CCSER1: variants seen among roughly 807,000 people sequenced by gnomAD.
CCSER1 encodes the protein coiled-coil serine rich protein 1.
CCSER1 carries 41 observed loss-of-function variants against 82.0 expected under a neutral mutation model. That is an observed-to-expected ratio of 0.50 (90% CI 0.39 to 0.65). The LOEUF is 0.65. Ranked by LOEUF, CCSER1 falls within the 30% of genes least tolerant of loss-of-function variation. The probability of loss-of-function intolerance (pLI) is 0.00; values close to 1 mark genes in which losing one functional copy is unlikely to be tolerated. For missense variants in CCSER1, 1,119 were observed against 1,064.2 expected (o/e 1.05, Z -0.72); for synonymous variants, 414 against 383.9 (o/e 1.08, Z -0.92).
chr4:91,226,083 C>A (rs570432089), intron 10 of CCSER1, among the ~76,000 whole-genome samples: 2 of 151,748 alleles, frequency 1.3e-5, no homozygotes, highest in African/African-American at 2.4e-5. Context: ...TATACAAGTG[C>A]GATGTTGGTG....
chr4:90,993,398 G>T (rs1451843340), intron 9 of CCSER1, among the ~76,000 whole-genome samples: 1 of 151,706 alleles, frequency 6.6e-6, no homozygotes, highest in Non-Finnish European at 1.5e-5. Flanking sequence ...AGCTATAATG[G>T]ATAACTAATG....
intron 9 of CCSER1, among the ~76,000 whole-genome samples, chr4:91,017,780 C>G (rs1739559205): frequency 6.6e-6 from 1 of 151,398 alleles, no homozygotes; most frequent in Non-Finnish European, 1.5e-5. Flanking sequence ...AAGGCCAGTA[C>G]TGTCTTCGTA....
At chr4:91,369,995 A>C (rs567038349) in intron 10 of CCSER1, among the ~76,000 whole-genome samples, 4 of 151,966 alleles carry the variant, frequency 2.6e-5, no homozygotes, top group African/African-American at 7.2e-5. Context: ...GTAGCTTTTG[A>C]ATTTTTGATT....
chr4:91,305,157 C>A (rs976826614), intron 10 of CCSER1, among the ~76,000 whole-genome samples: 1 of 151,928 alleles, frequency 6.6e-6, no homozygotes, highest in East Asian at 1.9e-4. Flanking sequence ...CAAATTACTT[C>A]TTTTCAAGTT....
At chr4:90,508,713 A>T (rs1041204726) in intron 5 of CCSER1, among the ~76,000 whole-genome samples, 4 of 152,120 alleles carry the variant, frequency 2.6e-5, no homozygotes, top group African/African-American at 4.8e-5. Flanking sequence ...TGTAATGGAG[A>T]CTGTTGAAGT....
chr4:90,512,498 A>G (rs1771674701), intron 5 of CCSER1, among the ~76,000 whole-genome samples: 1 of 152,168 alleles, frequency 6.6e-6, no homozygotes, highest in African/African-American at 2.4e-5. Flanking sequence ...ACAGACTGAC[A>G]GACATGCCTA....
chr4:90,730,595 G>A (rs1305965592), intron 7 of CCSER1, among the ~76,000 whole-genome samples: 1 of 152,142 alleles, frequency 6.6e-6, no homozygotes, highest in Non-Finnish European at 1.5e-5. Flanking sequence ...GTCAGGTAGG[G>A]TGATAAATGT....
intron 9 of CCSER1, among the ~76,000 whole-genome samples, chr4:91,009,171 T>A (rs1324777767): frequency 6.6e-6 from 1 of 152,076 alleles, no homozygotes; most frequent in Non-Finnish European, 1.5e-5. Flanking sequence ...AAAGCTCAGC[T>A]CCAGCCTTAA....
At chr4:90,698,928 G>T (rs1314449886) in intron 6 of CCSER1, among the ~76,000 whole-genome samples, 1 of 151,988 alleles carries the variant, frequency 6.6e-6, no homozygotes, top group Non-Finnish European at 1.5e-5. Flanking sequence ...AACATAGTGG[G>T]ACTCCATCTC....
At chr4:90,411,148 A>G (rs1434037327) in intron 4 of CCSER1, among the ~76,000 whole-genome samples, 1 of 152,196 alleles carries the variant, frequency 6.6e-6, no homozygotes, top group Non-Finnish European at 1.5e-5. Flanking sequence ...TACCAACCAA[A>G]AAAAGTCCAG....
At chr4:91,485,159 A>G (rs1758149380) in intron 10 of CCSER1, among the ~76,000 whole-genome samples, 1 of 149,508 alleles carries the variant, frequency 6.7e-6, no homozygotes, top group Non-Finnish European at 1.5e-5. Flanking sequence ...ATGAAACAGT[A>G]AAAAAAAAAT....
In CCSER1 at chr4:90,204,805, T is replaced by C. The variant is rs1449100943; in HGVS notation, c.-42+76974T>C. ...GAGCAGTATGGCCATTTTCATGATA[T>C]TGATTCTTCCTATCCATGAGCATGG... On this transcript the variant is annotated intron_variant, in intron 1 of 10. Coordinates refer to ENST00000509176, the MANE Select transcript of CCSER1 (RefSeq NM_001145065.2). Among the ~76,000 whole-genome samples the C allele has an allele frequency of 2.6e-5, 4 of 152,234 alleles. No individual in the cohort carries two copies. In the East Asian group the frequency reaches 7.7e-4, roughly 29 times the overall value.
chr4:90,312,813 A>G, intron 2 of CCSER1, 50 bp from the exon 3 acceptor site: 1 of 1,363,978 alleles, frequency 7.3e-7, no homozygotes, highest in Non-Finnish European at 1.0e-6. Context: ...CATTTGTAAA[A>G]ACTACATTTA....
In CCSER1 at chr4:90,906,199, A is replaced by G. The variant is rs149922757; in HGVS notation, c.2095-17171A>G. Reference sequence around the variant, plus strand: ...TCTTATATTTTGCTATTCAGATAATACATATACGGATTTGACTTTATTTTT... The same window carrying G: ...TCTTATATTTTGCTATTCAGATAATGCATATACGGATTTGACTTTATTTTT... On this transcript the variant is annotated intron_variant, in intron 8 of 10. Transcript: ENST00000509176. 1.2e-4 allele frequency among the ~76,000 whole-genome samples: 18 copies of G among 152,262 alleles called. No individual in the cohort carries two copies. In the East Asian group the frequency reaches 3.5e-3, roughly 29 times the overall value.
At chr4:91,286,135 A>T (rs1246244576) in intron 10 of CCSER1, among the ~76,000 whole-genome samples, 2 of 151,728 alleles carry the variant, frequency 1.3e-5, no homozygotes, top group East Asian at 3.9e-4. Context: ...TTTCCTTAAC[A>T]ATAATTTGAA....
intron 10 of CCSER1, among the ~76,000 whole-genome samples, chr4:91,341,547 G>C (rs1747720451): frequency 6.6e-6 from 1 of 152,032 alleles, no homozygotes; most frequent in Non-Finnish European, 1.5e-5. Context: ...TTGGTTGTTT[G>C]TTTTGTTTTG....
chr4:91,478,868 A>G (rs1259477069), intron 10 of CCSER1, among the ~76,000 whole-genome samples: 1 of 150,672 alleles, frequency 6.6e-6, no homozygotes, highest in African/African-American at 2.4e-5. Flanking sequence ...TAAATCTTCT[A>G]TATTTAGCAT....
chr4:90,990,673 A>G (rs1736952183), intron 9 of CCSER1, among the ~76,000 whole-genome samples: 1 of 151,960 alleles, frequency 6.6e-6, no homozygotes, highest in South Asian at 2.1e-4. Context: ...TTCTGACAGT[A>G]GAGCCCACAA....
intron 1 of CCSER1, among the ~76,000 whole-genome samples, chr4:90,178,663 C>G (rs1578347346): frequency 6.6e-6 from 1 of 152,006 alleles, no homozygotes; most frequent in Admixed American, 6.6e-5. Flanking sequence ...AGATGATAAA[C>G]CATACCACAT....
Sources: gnomAD v4.1 joint callset for allele counts (sites outside exome capture counted in the v4.1 genomes callset) on GRCh38, gnomAD v4.1.1 for gene constraint, MANE v1.5 for transcripts, NCBI Gene and HGNC (gene_info 2026-07-23, HGNC 2026-07-21) for gene names.